UTS2B: variants seen among roughly 807,000 people sequenced by gnomAD.
UTS2B encodes the protein urotensin 2B.
Under a neutral mutation model 19.2 loss-of-function variants are expected in UTS2B, and 21 were observed. The ratio of observed to expected loss-of-function variants is 1.09; its 90% confidence interval spans 0.78 to 1.58. UTS2B has a LOEUF of 1.58. Among genes scored for constraint, UTS2B ranks in the 40% most tolerant of loss-of-function variants. The probability of loss-of-function intolerance (pLI) is 0.00; values close to 1 mark genes in which losing one functional copy is unlikely to be tolerated. For synonymous variants in UTS2B, 57 were observed against 50.2 expected, an observed-to-expected ratio of 1.14 and a Z score of -0.58; for missense variants, 138 against 130.3, an observed-to-expected ratio of 1.06 and a Z score of -0.29.
chr3:191,312,637 GAAGTTTTT>G (rs774973218), intron 3 of UTS2B, among the ~76,000 whole-genome samples: 2 of 152,166 alleles, frequency 1.3e-5, no homozygotes, highest in African/African-American at 2.4e-5. Flanking sequence ...AACCACAGGT[GAAGTTTTT>G]AATAATCGTG....
At chr3:191,320,841 CTGAA>C (rs543437547) in intron 2 of UTS2B, among the ~76,000 whole-genome samples, 86 of 152,242 alleles carry the variant, frequency 5.6e-4, no homozygotes, top group African/African-American at 1.8e-3. Flanking sequence ...TTGATTATTC[CTGAA>C]TAAGTGCTAA....
intron 4 of UTS2B, among the ~76,000 whole-genome samples, chr3:191,296,064 C>A (rs557305161): frequency 6.6e-6 from 1 of 152,134 alleles, no homozygotes; most frequent in East Asian, 1.9e-4. Context: ...ATAAATATTG[C>A]GAGTCATAAC....
At position 191,276,823 on chromosome 3, in the gene UTS2B, AGTTT is replaced by A. The variant is rs765796660; in HGVS notation, c.220_223del (p.Lys74TrpfsTer10). ...CATTCTCACCTGGTTAAGTTCTTCC[AGTTT>A]GTTAGGTAAGGCTAGGTCTGCAAGA... On this transcript the variant is annotated frameshift_variant, in exon 7 of 9. Transcript: ENST00000340524. LOFTEE classifies it high-confidence loss of function. The A allele has an allele frequency of 6.2e-7, 1 of 1,612,352 alleles. No homozygotes were observed. Among genetic ancestry groups the A allele is most frequent in the South Asian group, 1.1e-5 (1 of 90,838 alleles).
In UTS2B at chr3:191,270,198, G is replaced by A. The variant is rs559134961; in HGVS notation, c.335-1757C>T. Reference sequence around the variant, plus strand: ...AGTCTCTAGTTATGGCAACAGCACTGCACTTCATGTATAACGTGGATTATG... The same window carrying A: ...AGTCTCTAGTTATGGCAACAGCACTACACTTCATGTATAACGTGGATTATG... On this transcript the variant is annotated intron_variant, in intron 8 of 8. Transcript: ENST00000340524. Among the ~76,000 whole-genome samples the A allele has an allele frequency of 2.0e-5, 3 of 152,298 alleles. No individual in the cohort carries two copies. The East Asian group carries it at 5.8e-4, about 29-fold the overall frequency.
chr3:191,280,150 GT>G (rs1716345378), intron 5 of UTS2B, among the ~76,000 whole-genome samples: 1 of 152,218 alleles, frequency 6.6e-6, no homozygotes, highest in African/African-American at 2.4e-5. Flanking sequence ...ACATGGGAAG[GT>G]TTTTACTGCA....
chr3:191,281,674 T>A (rs1275448115), intron 5 of UTS2B, among the ~76,000 whole-genome samples: 1 of 149,840 alleles, frequency 6.7e-6, no homozygotes, highest in African/African-American at 2.4e-5. Context: ...TACTCTATTT[T>A]CATAAAGAAC....
intron 2 of UTS2B, among the ~76,000 whole-genome samples, chr3:191,319,543 C>G (rs1717556597): frequency 6.6e-6 from 1 of 152,004 alleles, no homozygotes; most frequent in Admixed American, 6.6e-5. Flanking sequence ...GGTATAGGTT[C>G]TTTTTTTAAA....
At chr3:191,276,451 C>T (rs1484880665) in intron 7 of UTS2B, among the ~76,000 whole-genome samples, 6 of 152,188 alleles carry the variant, frequency 3.9e-5, no homozygotes, top group African/African-American at 1.4e-4. Context: ...AAGATTCCCA[C>T]TGTTTAAAAA....
chr3:191,337,889 A>G, the UTS2B span, among the ~76,000 whole-genome samples: 2 of 152,040 alleles, frequency 1.3e-5, no homozygotes, highest in African/African-American at 4.8e-5. Flanking sequence ...ATTTGTGTGA[A>G]TGAAGTATCA....
At chr3:191,311,687 G>A (rs1238659905) in intron 3 of UTS2B, among the ~76,000 whole-genome samples, 1 of 152,210 alleles carries the variant, frequency 6.6e-6, no homozygotes, top group Non-Finnish European at 1.5e-5. Flanking sequence ...GCTTCTCAAT[G>A]ATTTCAGTGC....
the UTS2B span, among the ~76,000 whole-genome samples, chr3:191,336,753 A>G: frequency 1.3e-5 from 2 of 152,194 alleles, no homozygotes; most frequent in Admixed American, 6.5e-5. Context: ...TACATTTGGA[A>G]AATTACAGAA....
At position 191,282,307 on chromosome 3, in the gene UTS2B, G is replaced by A. The variant is rs1238469117; in HGVS notation, c.-118C>T. 8 of 650,116 alleles carry A rather than the reference G, an allele frequency of 1.2e-5. No homozygotes were observed. Among genetic ancestry groups the A allele is most frequent in the South Asian group, 4.3e-5 (2 of 47,038 alleles). 40.3% of individuals were successfully genotyped at this position (650,116 alleles called of 1,614,324 possible). A position where few individuals can be genotyped will look rare whatever the true frequency, so the allele number is the denominator to read the frequency against. Reference sequence around the variant, plus strand: ...CAAAAGGCAAGTGTGCCTCAGTTACGAATGATCTAGATGAAGGAAAAAGAA... The same window carrying A: ...CAAAAGGCAAGTGTGCCTCAGTTACAAATGATCTAGATGAAGGAAAAAGAA... On this transcript the variant is annotated 5_prime_UTR_variant, in exon 5 of 9. Coordinates refer to ENST00000340524, the MANE Select transcript of UTS2B (RefSeq NM_198152.5).
At chr3:191,329,970 C>G (rs1345321084) in intron 1 of UTS2B, among the ~76,000 whole-genome samples, 2 of 138,216 alleles carry the variant, frequency 1.4e-5, no homozygotes, top group Non-Finnish European at 3.1e-5. Flanking sequence ...GCAGCAGCCC[C>G]AGCAAGTAGG....
chr3:191,326,152 A>G lies in UTS2B; in HGVS notation c.-586+2479T>C, dbSNP rs73888552. Among the ~76,000 whole-genome samples, 1,372 of 152,224 alleles carry G rather than the reference A, an allele frequency of 9.0e-3. 28 individuals are homozygous for G. The highest frequency in any genetic ancestry group is 0.032 in the African/African-American group (1,323 of 41,528). On this transcript the variant is annotated intron_variant, in intron 2 of 8. Coordinates refer to ENST00000340524, the MANE Select transcript of UTS2B (RefSeq NM_198152.5). ...TCCAGTGTAATTTATTCATTTGCCT[A>G]TATTGTTTTTTTAACTTACTTTTAA...
At chr3:191,302,536 C>T (rs1474836304) in intron 4 of UTS2B, among the ~76,000 whole-genome samples, 1 of 152,300 alleles carries the variant, frequency 6.6e-6, no homozygotes, top group Middle Eastern at 3.4e-3. Context: ...ACCCATGTGG[C>T]CTCCCAGGCT....
At chr3:191,276,739 TTG>T in intron 7 of UTS2B, 66 bp downstream of exon 7, 1 of 1,319,780 alleles carries the variant, frequency 7.6e-7, no homozygotes, top group Non-Finnish European at 1.1e-6. Flanking sequence ...TTAAAAAACA[TTG>T]TGTCAAGAAG....
chr3:191,341,317 G>A, the UTS2B span, among the ~76,000 whole-genome samples: 2 of 152,110 alleles, frequency 1.3e-5, no homozygotes, highest in African/African-American at 4.8e-5. Context: ...GCTTTCTTTC[G>A]CCCTTCACAT....
chr3:191,324,554 T>G (rs915700644), intron 2 of UTS2B, among the ~76,000 whole-genome samples: 3 of 152,110 alleles, frequency 2.0e-5, no homozygotes, highest in Non-Finnish European at 4.4e-5. Flanking sequence ...AAAGGAGAAG[T>G]TTCCCCTACA....
chr3:191,270,671 A>G (rs994813787), intron 8 of UTS2B, among the ~76,000 whole-genome samples: 3 of 152,026 alleles, frequency 2.0e-5, no homozygotes, highest in African/African-American at 7.3e-5. Flanking sequence ...TGTTTTCTTT[A>G]ACAAAAAGTT....
Sources: gnomAD v4.1 joint callset for allele counts (sites outside exome capture counted in the v4.1 genomes callset) on GRCh38, gnomAD v4.1.1 for gene constraint, MANE v1.5 for transcripts, NCBI Gene and HGNC (gene_info 2026-07-23, HGNC 2026-07-21) for gene names.